The following RALYL variants were observed in gnomAD, a reference collection of about 807,000 sequenced individuals.
RALYL encodes the protein RALY RNA binding protein like.
A neutral mutation model predicts 35.1 loss-of-function variants in RALYL; 29 were observed. The observed-to-expected ratio is 0.83, with a 90% CI of 0.61 to 1.13. RALYL has a LOEUF of 1.13. Ranked by LOEUF, RALYL falls within the 50% of genes most tolerant of loss-of-function variation. The probability of loss-of-function intolerance (pLI) is 0.00; values close to 1 mark genes in which losing one functional copy is unlikely to be tolerated. For missense variants in RALYL, 359 were observed against 360.4 expected, an observed-to-expected ratio of 1.00 and a Z score of 0.03; for synonymous variants, 120 against 127.6, an observed-to-expected ratio of 0.94 and a Z score of 0.40.
At chr8:84,456,875 T>C (rs1381948088) in intron 1 of RALYL, among the ~76,000 whole-genome samples, 2 of 151,996 alleles carry the variant, frequency 1.3e-5, no homozygotes, top group Non-Finnish European at 2.9e-5. Context: ...AAAGATACTA[T>C]AGTACATTTT....
At chr8:84,865,284 A>AGAT (rs1191656661) in intron 6 of RALYL, among the ~76,000 whole-genome samples, 1 of 152,192 alleles carries the variant, frequency 6.6e-6, no homozygotes, top group Non-Finnish European at 1.5e-5. Context: ...ATTTGAATAA[A>AGAT]GATTTACTAA....
At chr8:84,509,137 T>C in intron 1 of RALYL, among the ~76,000 whole-genome samples, 1 of 152,156 alleles carries the variant, frequency 6.6e-6, no homozygotes, top group East Asian at 1.9e-4. Flanking sequence ...TATTGTGTAC[T>C]ACGTTTATTG....
intron 7 of RALYL, among the ~76,000 whole-genome samples, chr8:84,881,596 T>C (rs1257967830): frequency 6.6e-6 from 1 of 152,056 alleles, no homozygotes; most frequent in Non-Finnish European, 1.5e-5. Flanking sequence ...GAATCGTAGA[T>C]AGCTTTTTGA....
In RALYL at chr8:84,528,024, C is replaced by T. The variant is rs901498823; in HGVS notation, c.-23-1275C>T. ...ATCTGTTTTAAATGCATAATAAGTACATTTTCAAGCATATCCAATTTACAT... is the reference window on the plus strand; with the variant it reads ...ATCTGTTTTAAATGCATAATAAGTATATTTTCAAGCATATCCAATTTACAT... On this transcript the variant is annotated intron_variant, in intron 1 of 8. Coordinates refer to ENST00000521268, the MANE Select transcript of RALYL (RefSeq NM_173848.7). 4.6e-5 allele frequency among the ~76,000 whole-genome samples: 7 copies of T among 152,222 alleles called. 1 individual carries two copies. In the South Asian group the frequency reaches 1.5e-3, roughly 32 times the overall value.
At chr8:84,201,270 A>G (rs1387981307) in intron 1 of RALYL, among the ~76,000 whole-genome samples, 1 of 152,224 alleles carries the variant, frequency 6.6e-6, no homozygotes, top group Non-Finnish European at 1.5e-5. Flanking sequence ...GGTTAAATTG[A>G]TTTAGTATCT....
chr8:84,327,601 G>T (rs1846041653), intron 1 of RALYL, among the ~76,000 whole-genome samples: 1 of 151,968 alleles, frequency 6.6e-6, no homozygotes, highest in Admixed American at 6.6e-5. Flanking sequence ...CGTTCCTGCT[G>T]CAATGGCAGA....
intron 3 of RALYL, among the ~76,000 whole-genome samples, chr8:84,784,332 T>C (rs567541296): frequency 1.3e-5 from 2 of 152,246 alleles, no homozygotes; most frequent in South Asian, 2.1e-4. Flanking sequence ...GAAGAAGAAA[T>C]GAATATTAAC....
chr8:84,494,956 G>A (rs867273177), intron 1 of RALYL, among the ~76,000 whole-genome samples: 1 of 152,084 alleles, frequency 6.6e-6, no homozygotes, highest in South Asian at 2.1e-4. Flanking sequence ...TGGCGAGAGA[G>A]GGCATCCTTG....
chr8:84,361,005 C>A (rs1852897420), intron 1 of RALYL, among the ~76,000 whole-genome samples: 1 of 150,124 alleles, frequency 6.7e-6, no homozygotes, highest in South Asian at 2.1e-4. Context: ...AGCACTTTGC[C>A]ATTTTAAGAA....
chr8:84,679,043 CA>C, intron 2 of RALYL: 1 of 340,878 alleles, frequency 2.9e-6, no homozygotes, highest in Admixed American at 3.1e-5. Context: ...GATTTGGCTG[CA>C]AATAAGCAAA....
chr8:84,366,342 A>G (rs1459675920), intron 1 of RALYL, among the ~76,000 whole-genome samples: 1 of 152,224 alleles, frequency 6.6e-6, no homozygotes, highest in East Asian at 1.9e-4. Flanking sequence ...TGAGAAATGG[A>G]TAAGATCTAC....
At chr8:84,412,634 A>C (rs2044215278) in intron 1 of RALYL, among the ~76,000 whole-genome samples, 4 of 151,908 alleles carry the variant, frequency 2.6e-5, no homozygotes, top group African/African-American at 9.7e-5. Flanking sequence ...TTTTCCTTTA[A>C]TTTCAGCCTC....
intron 2 of RALYL, among the ~76,000 whole-genome samples, chr8:84,713,674 A>C (rs1842532717): frequency 6.6e-6 from 1 of 151,878 alleles, no homozygotes; most frequent in Non-Finnish European, 1.5e-5. Context: ...AACAGTGTGA[A>C]GTTTCCTCAT....
chr8:84,411,837 C>A (rs1341295170), intron 1 of RALYL, among the ~76,000 whole-genome samples: 1 of 151,920 alleles, frequency 6.6e-6, no homozygotes, highest in Non-Finnish European at 1.5e-5. Flanking sequence ...TGGTTAGGAG[C>A]AAAGGGGCAG....
At chr8:84,465,203 T>TGAAG (rs1174633523) in intron 1 of RALYL, among the ~76,000 whole-genome samples, 1 of 133,968 alleles carries the variant, frequency 7.5e-6, no homozygotes, top group Non-Finnish European at 1.6e-5. Flanking sequence ...GTTTTAGACA[T>TGAAG]GAAGTCCTTG....
intron 2 of RALYL, among the ~76,000 whole-genome samples, chr8:84,719,652 T>C (rs1327602567): frequency 6.6e-6 from 1 of 152,138 alleles, no homozygotes; most frequent in Admixed American, 6.6e-5. Flanking sequence ...TTATTTTATT[T>C]ATTATACTTT....
At chr8:84,356,639 G>A (rs945552229) in intron 1 of RALYL, among the ~76,000 whole-genome samples, 2 of 150,112 alleles carry the variant, frequency 1.3e-5, no homozygotes, top group Non-Finnish European at 3.0e-5. Flanking sequence ...AACTGCAAAG[G>A]ATGTGGACTG....
intron 2 of RALYL, among the ~76,000 whole-genome samples, chr8:84,738,464 C>T (rs1031062386): frequency 1.3e-5 from 2 of 152,050 alleles, no homozygotes; most frequent in African/African-American, 4.8e-5. Flanking sequence ...ATAGATCTTA[C>T]AGACACACTT....
chr8:84,473,785 A>T (rs2053072085), intron 1 of RALYL, among the ~76,000 whole-genome samples: 1 of 151,942 alleles, frequency 6.6e-6, no homozygotes, highest in African/African-American at 2.4e-5. Flanking sequence ...TTTAATAAAT[A>T]AATTATTAAT....
Sources: gnomAD v4.1 joint callset for allele counts (sites outside exome capture counted in the v4.1 genomes callset) on GRCh38, gnomAD v4.1.1 for gene constraint, MANE v1.5 for transcripts, NCBI Gene and HGNC (gene_info 2026-07-23, HGNC 2026-07-21) for gene names.